Variants in AUH observed in about 807,000 individuals in gnomAD.
AUH encodes methylglutaconyl-CoA hydratase, mitochondrial.
In AUH, 29 loss-of-function variants were observed where a neutral mutation model predicts 42.3. The observed-to-expected ratio is 0.69, with a 90% CI of 0.51 to 0.93. The LOEUF (loss-of-function observed/expected upper bound fraction) is 0.93. Among genes scored for constraint, AUH ranks in the 40% least tolerant of loss-of-function variants. The pLI is 0.00. For missense variants in AUH, 452 were observed against 438.1 expected, an observed-to-expected ratio of 1.03 and a Z score of -0.28; for synonymous variants, 174 against 166.4, an observed-to-expected ratio of 1.05 and a Z score of -0.35.
intron 6 of AUH, among the ~76,000 whole-genome samples, chr9:91,254,036 C>T (rs1829279271): frequency 6.6e-6 from 1 of 152,130 alleles, no homozygotes; most frequent in South Asian, 2.1e-4. Context: ...AAACTAATGT[C>T]CTTTCTGGCA....
At chr9:91,246,721 G>C (rs1445756008) in intron 6 of AUH, among the ~76,000 whole-genome samples, 1 of 152,238 alleles carries the variant, frequency 6.6e-6, no homozygotes, top group Admixed American at 6.5e-5. Flanking sequence ...ACACAATGAA[G>C]TTAGAAGCTA....
intron 6 of AUH, among the ~76,000 whole-genome samples, chr9:91,231,424 G>A (rs1205629614): frequency 1.3e-5 from 2 of 152,172 alleles, no homozygotes; most frequent in African/African-American, 4.8e-5. Flanking sequence ...CACACACGGT[G>A]CGCGCACCCA....
At chr9:91,255,330 T>G (rs1042574161) in intron 6 of AUH, among the ~76,000 whole-genome samples, 3 of 152,228 alleles carry the variant, frequency 2.0e-5, no homozygotes, top group African/African-American at 7.2e-5. Flanking sequence ...TTTTTAAAAA[T>G]TGTAATGCTT....
intron 6 of AUH, among the ~76,000 whole-genome samples, chr9:91,235,238 G>A (rs191203192): frequency 1.3e-5 from 2 of 152,190 alleles, no homozygotes; most frequent in African/African-American, 2.4e-5. Flanking sequence ...TGCCCAGTAG[G>A]CAGCTACTGC....
chr9:91,254,908 T>C (rs538437152), intron 6 of AUH, among the ~76,000 whole-genome samples: 34 of 152,280 alleles, frequency 2.2e-4, no homozygotes, highest in Non-Finnish European at 3.8e-4. Flanking sequence ...CCTTTTAGAC[T>C]TGACATAAAA....
chr9:91,220,162 A>G (rs1215758720), intron 7 of AUH, among the ~76,000 whole-genome samples: 2 of 152,236 alleles, frequency 1.3e-5, no homozygotes, highest in South Asian at 2.1e-4. Context: ...TGCTTAAAGC[A>G]GGACTGTCAG....
intron 6 of AUH, among the ~76,000 whole-genome samples, chr9:91,222,692 A>G (rs186439247): frequency 1.4e-4 from 22 of 152,364 alleles, no homozygotes; most frequent in African/African-American, 4.3e-4. Context: ...GCAGCTGATT[A>G]GAACACAGAT....
chr9:91,309,465 T>C (rs2131743229), intron 4 of AUH, among the ~76,000 whole-genome samples: 1 of 152,308 alleles, frequency 6.6e-6, no homozygotes, highest in East Asian at 1.9e-4. Flanking sequence ...ATATACACCA[T>C]GGAATACTAT....
At chr9:91,302,441 T>C (rs1439785486) in intron 4 of AUH, among the ~76,000 whole-genome samples, 2 of 152,042 alleles carry the variant, frequency 1.3e-5, no homozygotes, top group East Asian at 3.9e-4. Context: ...AATACAAAAT[T>C]AGCTGGGCGT....
At chr9:91,298,219 T>C (rs1827504586) in intron 4 of AUH, 143 bp from the exon 5 acceptor site, 2 of 648,960 alleles carry the variant, frequency 3.1e-6, no homozygotes, top group Non-Finnish European at 2.7e-6. Flanking sequence ...TTTAACAAAA[T>C]ATAAGCATTT....
rs187239837 is a variant in AUH, at chr9:91,298,945, G to A, written c.506-869C>T. Reference sequence around the variant, plus strand: ...TTTAAAAAGGTAATATCGGCCGGGCGCTGTGGCTCACGCCTGTAATCCCAG... The same window carrying A: ...TTTAAAAAGGTAATATCGGCCGGGCACTGTGGCTCACGCCTGTAATCCCAG... On this transcript the variant is annotated intron_variant, in intron 4 of 9. Coordinates refer to ENST00000375731, the MANE Select transcript of AUH (RefSeq NM_001698.3). 3.1e-3 allele frequency among the ~76,000 whole-genome samples: 466 copies of A among 152,280 alleles called. 3 individuals carry two copies. The highest frequency in any genetic ancestry group is 0.011 in the African/African-American group (453 of 41,548).
In AUH at chr9:91,230,881, C is replaced by T. The variant is rs192051032; in HGVS notation, c.656-9889G>A. Among the ~76,000 whole-genome samples the T allele has an allele frequency of 3.8e-3, 585 of 152,314 alleles. 24 individuals carry two copies. The highest frequency in any genetic ancestry group is 0.031 in the Admixed American group (468 of 15,302). ...TAGGCTGCTCGGGGCTCAGGGGTCA[C>T]GGACCCACTTGAGGAGGCAGTCTGC... is the stretch of plus-strand genomic sequence containing the variant. On this transcript the variant is annotated intron_variant, in intron 6 of 9. Transcript: ENST00000375731.
intron 3 of AUH, among the ~76,000 whole-genome samples, chr9:91,349,116 T>G (rs921324569): frequency 6.6e-6 from 1 of 152,174 alleles, no homozygotes; most frequent in African/African-American, 2.4e-5. Context: ...TACTTCATAG[T>G]CCAACGTGCC....
intron 6 of AUH, among the ~76,000 whole-genome samples, chr9:91,289,724 CAAAGG>C (rs1314253861): frequency 1.3e-5 from 2 of 152,108 alleles, no homozygotes; most frequent in East Asian, 3.9e-4. Context: ...TCATCTACAA[CAAAGG>C]AAAGAGGAGA....
intron 3 of AUH, among the ~76,000 whole-genome samples, chr9:91,345,462 A>G (rs1314069346): frequency 2.0e-5 from 3 of 152,196 alleles, no homozygotes; most frequent in Non-Finnish European, 4.4e-5. Flanking sequence ...AAAATATATG[A>G]AAAACTTAGA....
intron 6 of AUH, among the ~76,000 whole-genome samples, chr9:91,268,626 C>T (rs925066603): frequency 6.6e-6 from 1 of 152,256 alleles, no homozygotes; most frequent in Middle Eastern, 3.4e-3. Flanking sequence ...GATGGGGTTT[C>T]ACCGTGTTGC....
chr9:91,224,472 C>A (rs988793545), intron 6 of AUH, among the ~76,000 whole-genome samples: 6 of 152,102 alleles, frequency 3.9e-5, no homozygotes, highest in African/African-American at 1.4e-4. Context: ...CAATTTACCT[C>A]TTTTTTCTCT....
At chr9:91,351,723 C>A (rs1488152755) in intron 3 of AUH, among the ~76,000 whole-genome samples, 1 of 152,190 alleles carries the variant, frequency 6.6e-6, no homozygotes, top group East Asian at 1.9e-4. Flanking sequence ...GGAGCACAAA[C>A]CCTACCGTGA....
At chr9:91,313,087 T>C (rs1379209911) in intron 4 of AUH, among the ~76,000 whole-genome samples, 2 of 152,136 alleles carry the variant, frequency 1.3e-5, no homozygotes, top group Non-Finnish European at 2.9e-5. Context: ...GTTGTTTTTT[T>C]GGCAAGGGTT....
Sources: allele counts gnomAD v4.1 joint callset (sites outside exome capture counted in the v4.1 genomes callset), GRCh38; gene constraint gnomAD v4.1.1; transcripts MANE v1.5; gene names NCBI Gene and HGNC (gene_info 2026-07-23, HGNC 2026-07-21).